The following PPP1CC variants were observed in gnomAD, a reference collection of about 807,000 sequenced individuals.
PPP1CC encodes the protein serine/threonine-protein phosphatase PP1-gamma catalytic subunit.
In PPP1CC, 16 loss-of-function variants were observed where a neutral mutation model predicts 38.4. The observed-to-expected ratio is 0.42, with a 90% confidence interval of 0.28 to 0.63. The LOEUF (loss-of-function observed/expected upper bound fraction) is 0.63. Ranked by LOEUF, PPP1CC falls within the 30% of genes least tolerant of loss-of-function variation. PPP1CC has a pLI of 0.25. For synonymous variants in PPP1CC, 158 were observed against 136.0 expected (o/e 1.16, Z -1.13); for missense variants, 170 against 391.3 (o/e 0.43, Z 4.77).
At chr12:110,738,464 C>T (rs375107751) in intron 1 of PPP1CC, among the ~76,000 whole-genome samples, 58 of 152,240 alleles carry the variant, frequency 3.8e-4, no homozygotes, top group African/African-American at 1.4e-3. Context: ...TGGTGAAGTC[C>T]ACATAACATC....
chr12:110,734,346 A>T (rs2069916628), intron 1 of PPP1CC, among the ~76,000 whole-genome samples: 1 of 152,076 alleles, frequency 6.6e-6, no homozygotes, highest in African/African-American at 2.4e-5. Flanking sequence ...TCCAGACTAT[A>T]TATTTATTTA....
the PPP1CC span, among the ~76,000 whole-genome samples, chr12:110,708,453 T>C: frequency 6.6e-6 from 1 of 152,206 alleles, no homozygotes; most frequent in South Asian, 2.1e-4. Context: ...TTATTACCAA[T>C]GGGATCTCCA....
chr12:110,719,090 T>C (rs2069711424), downstream of PPP1CC, among the ~76,000 whole-genome samples: 1 of 152,170 alleles, frequency 6.6e-6, no homozygotes, highest in African/African-American at 2.4e-5. Flanking sequence ...TCATTAACAT[T>C]CAGGACATAA....
rs1337673047 is a variant in PPP1CC, at chr12:110,734,211, T to C, written c.56-2310A>G. ...GTAGAATGTAAACCCACAGCAGCAG[T>C]CCTGCTCTGTAGTGTACACCAGCCA... On this transcript the variant is annotated intron_variant, in intron 1 of 6. Transcript: ENST00000335007. Among the ~76,000 whole-genome samples, 12 of 152,222 alleles carry C rather than the reference T, an allele frequency of 7.9e-5. No homozygotes were observed. The East Asian group carries it at 2.1e-3, about 27-fold the overall frequency.
At chr12:110,731,963 T>C in intron 1 of PPP1CC, 62 bp from the exon 2 acceptor site, 1 of 1,566,508 alleles carries the variant, frequency 6.4e-7, no homozygotes, top group Non-Finnish European at 8.7e-7. Context: ...ATACGAGATT[T>C]AGATAAAGGG....
intron 2 of PPP1CC, among the ~76,000 whole-genome samples, chr12:110,731,310 T>C (rs2069869566): frequency 6.6e-6 from 1 of 151,372 alleles, no homozygotes; most frequent in African/African-American, 2.4e-5. Flanking sequence ...AATGCAAATA[T>C]GCTATAAGAA....
rs2069860804 is a variant in PPP1CC, at chr12:110,730,629, G to A, written c.318C>T (p.Leu106=). 1.9e-6 allele frequency: 3 copies of A among 1,614,076 alleles called. No homozygotes were observed. The South Asian group carries it at 3.3e-5, about 18-fold the overall frequency. The part of the protein sequence containing the change: ...RGKQSLETIC[L]LLAYKIKYPE... The stretch of plus-strand genomic sequence containing the variant: ...GATATTTTATTTTGTAGGCCAGTAA[G>A]AGGCAGATCGTCTCCAATGACTGCT... The change falls in exon 3 of 7, where the codon CTC becomes CTT. Residue 106 remains leucine, a synonymous_variant. Transcript: ENST00000335007.
At chr12:110,741,348 C>T (rs73194039) in intron 1 of PPP1CC, among the ~76,000 whole-genome samples, 14,015 of 152,252 alleles carry the variant, frequency 0.092, 728 homozygotes, top group African/African-American at 0.12. Flanking sequence ...GACTCCACCA[C>T]TCACAGCATT....
rs943160274 is a variant in PPP1CC at position 110,721,320 on chromosome 12, A to C, written c.883-155T>G. On this transcript the variant is annotated intron_variant, in intron 6 of 6. Coordinates refer to ENST00000335007, the MANE Select transcript of PPP1CC (RefSeq NM_002710.4). The stretch of plus-strand genomic sequence containing the variant: ...AGCATATTAACACAAGCTATGTTGA[A>C]TGTAAACATTTGGTAATTAACGCTA... 3 of 578,546 alleles carry C rather than the reference A, an allele frequency of 5.2e-6. No individual in the cohort carries two copies. The African/African-American group carries it at 5.6e-5, about 11-fold the overall frequency. 35.8% of individuals were successfully genotyped at this position (578,546 alleles called of 1,614,324 possible). A position where few individuals can be genotyped will look rare whatever the true frequency, so the allele number is the denominator to read the frequency against.
At position 110,729,800 on chromosome 12, in the gene PPP1CC, ACT is replaced by A. The variant is rs1287597940; in HGVS notation, c.418+727_418+728del. On this transcript the variant is annotated intron_variant, in intron 3 of 6. Transcript: ENST00000335007. Reference sequence around the variant, plus strand: ...TGGGGACTATGGTGATGGTCGCATAACTCTATAAATTTACTACAAATCGCTGA... The same window carrying A: ...TGGGGACTATGGTGATGGTCGCATAACTATAAATTTACTACAAATCGCTGA... Among the ~76,000 whole-genome samples, 11 of 152,348 alleles carry A rather than the reference ACT, an allele frequency of 7.2e-5. No individual in the cohort carries two copies. In the South Asian group the frequency reaches 8.3e-4, roughly 11 times the overall value.
chr12:110,721,924 A>G (rs2069743526), intron 6 of PPP1CC: 5 of 543,114 alleles, frequency 9.2e-6, no homozygotes, highest in South Asian at 3.8e-5. Context: ...GCAAAAATTT[A>G]TAATTCAACA....
intron 3 of PPP1CC, chr12:110,726,087 A>G (rs1361393319): frequency 1.3e-5 from 2 of 152,436 alleles, no homozygotes; most frequent in African/African-American, 4.8e-5. Flanking sequence ...AACAAACAAA[A>G]CAAACCAAGA....
At chr12:110,737,807 G>A (rs914565142) in intron 1 of PPP1CC, among the ~76,000 whole-genome samples, 2 of 152,060 alleles carry the variant, frequency 1.3e-5, no homozygotes, top group African/African-American at 2.4e-5. Flanking sequence ...AATTAGCCAG[G>A]TGTGGTGGTG....
At chr12:110,711,107 C>T in the PPP1CC span, among the ~76,000 whole-genome samples, 15 of 151,764 alleles carry the variant, frequency 9.9e-5, no homozygotes, top group Admixed American at 3.3e-4. Flanking sequence ...ACTCAGGAGG[C>T]GGAGGTTGCA....
intron 1 of PPP1CC, among the ~76,000 whole-genome samples, chr12:110,738,947 T>C (rs2069979607): frequency 6.6e-6 from 1 of 152,124 alleles, no homozygotes; most frequent in African/African-American, 2.4e-5. Context: ...GGGCAAGGGC[T>C]CACATCAGAG....
At chr12:110,709,580 A>T in the PPP1CC span, among the ~76,000 whole-genome samples, 1 of 150,790 alleles carries the variant, frequency 6.6e-6, no homozygotes, top group Non-Finnish European at 1.5e-5. Flanking sequence ...TTTTTTTGAG[A>T]CGGAGTCTCA....
chr12:110,724,751 G>A lies in PPP1CC; in HGVS notation c.432C>T (p.Tyr144=). 1 of 1,588,992 alleles carries A rather than the reference G, an allele frequency of 6.3e-7. No individual in the cohort carries two copies. The highest frequency in any genetic ancestry group is 8.6e-7 in the Non-Finnish European group (1 of 1,157,520). The change falls in exon 4 of 7, where the codon TAC becomes TAT. Residue 144 remains tyrosine, a synonymous_variant. Coordinates refer to ENST00000335007, the MANE Select transcript of PPP1CC (RefSeq NM_002710.4). Reference sequence around the variant, plus strand: ...TGAAAGTTTTCCATAGTTTAATGTTGTATCTTCTTTTACCTGTGATTAAAA... The same window carrying A: ...TGAAAGTTTTCCATAGTTTAATGTTATATCTTCTTTTACCTGTGATTAAAA... ...YGFYDECKRR[Y]NIKLWKTFTD... is the part of the protein sequence containing the mutation.
chr12:110,733,017 T>C (rs2069897228), intron 1 of PPP1CC: 5 of 152,216 alleles, frequency 3.3e-5, no homozygotes, highest in Admixed American at 1.3e-4. Context: ...AATAAAAGCA[T>C]AGTAATAATA....
At position 110,720,884 on chromosome 12, in the gene PPP1CC, C is replaced by T; in HGVS notation, c.*192G>A. 1 of 488,440 alleles carries T rather than the reference C, an allele frequency of 2.0e-6. No homozygotes were observed. 30.3% of individuals were successfully genotyped at this position (488,440 alleles called of 1,614,324 possible). On this transcript the variant is annotated 3_prime_UTR_variant, in exon 7 of 7. Transcript: ENST00000335007. ...GAGAATTAAAAAACAAAACACTTTT[C>T]TTTTTGGAGTGAAGAGTCTTTCATT...
Sources: gnomAD v4.1 joint callset for allele counts (sites outside exome capture counted in the v4.1 genomes callset) on GRCh38, gnomAD v4.1.1 for gene constraint, MANE v1.5 for transcripts, NCBI Gene and HGNC (gene_info 2026-07-23, HGNC 2026-07-21) for gene names.